Variants in SLC6A11 observed in about 807,000 individuals in gnomAD.
The protein encoded by SLC6A11 is sodium- and chloride-dependent GABA transporter 3.
In SLC6A11, 25 loss-of-function variants were observed where a neutral mutation model predicts 74.8. The ratio of observed to expected loss-of-function variants is 0.33; its 90% CI spans 0.24 to 0.47. The LOEUF (loss-of-function observed/expected upper bound fraction) is 0.47. Among genes scored for constraint, SLC6A11 ranks in the 20% least tolerant of loss-of-function variants. The pLI, the probability that SLC6A11 is intolerant of heterozygous loss-of-function variation, is 1.00. For missense variants in SLC6A11, 574 were observed against 837.0 expected (o/e 0.69, Z 3.88); for synonymous variants, 330 against 330.2 (o/e 1.00, Z 0.01).
chr3:10,885,732 G>A (rs540315016), intron 6 of SLC6A11, among the ~76,000 whole-genome samples: 1 of 148,168 alleles, frequency 6.7e-6, no homozygotes, highest in South Asian at 2.2e-4. Flanking sequence ...GAAAACTTGG[G>A]GTTGACCAGA....
chr3:10,937,276 G>A (rs1221473472), intron 13 of SLC6A11, among the ~76,000 whole-genome samples: 1 of 152,140 alleles, frequency 6.6e-6, no homozygotes, highest in African/African-American at 2.4e-5. Context: ...GTAGAGCCTG[G>A]ACACAAACCC....
At chr3:10,835,166 C>A (rs928446304) in intron 4 of SLC6A11, among the ~76,000 whole-genome samples, 11 of 152,184 alleles carry the variant, frequency 7.2e-5, no homozygotes, top group Admixed American at 5.9e-4. Context: ...CCAGCTTTGC[C>A]TGAGCTTTCG....
intron 7 of SLC6A11, among the ~76,000 whole-genome samples, chr3:10,917,742 G>A (rs1219713074): frequency 1.3e-5 from 2 of 152,196 alleles, no homozygotes; most frequent in African/African-American, 4.8e-5. Context: ...TCCATGCAAG[G>A]GTTCAACCTG....
intron 5 of SLC6A11, among the ~76,000 whole-genome samples, chr3:10,865,235 C>G (rs750881117): frequency 6.6e-6 from 1 of 152,276 alleles, no homozygotes; most frequent in African/African-American, 2.4e-5. Flanking sequence ...GCATTATCCT[C>G]ATTTCACACA....
rs1236022864 is a variant in SLC6A11 at position 10,857,038 on chromosome 3, A to G, written c.756+12692A>G. On this transcript the variant is annotated intron_variant, in intron 5 of 13. Transcript: ENST00000254488. ...GCAGTTTTTACAAATCCATGCTCCA[A>G]CTTCAAAGTGCTCTCTATTTAATGG... 5.1e-4 allele frequency among the ~76,000 whole-genome samples: 77 copies of G among 152,324 alleles called. 2 individuals carry two copies. Among genetic ancestry groups the G allele is most frequent in the Admixed American group, 6.5e-5 (1 of 15,308 alleles).
At chr3:10,846,069 G>A (rs1267920456) in intron 5 of SLC6A11, among the ~76,000 whole-genome samples, 1 of 152,172 alleles carries the variant, frequency 6.6e-6, no homozygotes, top group Non-Finnish European at 1.5e-5. Flanking sequence ...CACATGGGGT[G>A]GTTGTGAGGA....
At chr3:10,888,175 C>G (rs866544643) in intron 6 of SLC6A11, among the ~76,000 whole-genome samples, 1 of 152,348 alleles carries the variant, frequency 6.6e-6, no homozygotes, top group Middle Eastern at 3.4e-3. Context: ...CTCACCCTCT[C>G]TGAGCCTCAG....
intron 4 of SLC6A11, among the ~76,000 whole-genome samples, chr3:10,834,558 C>T (rs1176061995): frequency 2.0e-5 from 3 of 151,714 alleles, no homozygotes; most frequent in African/African-American, 4.8e-5. Flanking sequence ...CAGAATAACT[C>T]GACCAGGTTG....
chr3:10,885,214 A>T (rs1319690712), intron 6 of SLC6A11, among the ~76,000 whole-genome samples: 4 of 152,164 alleles, frequency 2.6e-5, no homozygotes. Flanking sequence ...TAGCTTCTTT[A>T]AAATCTTTTA....
intron 4 of SLC6A11, among the ~76,000 whole-genome samples, chr3:10,843,645 G>A (rs1694465846): frequency 6.6e-6 from 1 of 152,210 alleles, no homozygotes; most frequent in African/African-American, 2.4e-5. Flanking sequence ...CTCAGACTGT[G>A]TCTCTGACAC....
intron 6 of SLC6A11, among the ~76,000 whole-genome samples, chr3:10,895,529 A>G (rs1424411431): frequency 2.0e-5 from 3 of 152,178 alleles, no homozygotes; most frequent in Admixed American, 6.5e-5. Flanking sequence ...GTTCTTGCTT[A>G]TAAGTGGGAA....
At chr3:10,929,484 A>T (rs1695655523) in intron 10 of SLC6A11, 145 bp downstream of exon 10, 3 of 862,398 alleles carry the variant, frequency 3.5e-6, no homozygotes, top group Non-Finnish European at 5.5e-6. Context: ...GGTCATGGTG[A>T]GGATCTAATG....
chr3:10,823,315 G>T lies in SLC6A11; in HGVS notation c.546G>T (p.Glu182Asp), dbSNP rs1411099958. The part of the protein sequence containing the change: ...GHEWNTENCV[E>D]FQKLNVSNYS... Reference sequence around the variant, plus strand: ...TTTCCACTGTAGAGAATTGTGTGGAGTTCCAGAAACTGAATGTGAGCAACT... The same window carrying T: ...TTTCCACTGTAGAGAATTGTGTGGATTTCCAGAAACTGAATGTGAGCAACT... Residue 182 changes from glutamate (E) to aspartate (D), a missense_variant, in exon 4 of 14, where the codon GAG becomes GAT. Coordinates refer to ENST00000254488, the MANE Select transcript of SLC6A11 (RefSeq NM_014229.3). 1 of 1,611,446 alleles carries T rather than the reference G, an allele frequency of 6.2e-7. No homozygotes were observed. Among genetic ancestry groups the T allele is most frequent in the African/African-American group, 1.3e-5 (1 of 74,984 alleles).
intron 5 of SLC6A11, among the ~76,000 whole-genome samples, chr3:10,847,612 G>T (rs1423573091): frequency 6.6e-6 from 1 of 152,160 alleles, no homozygotes; most frequent in African/African-American, 2.4e-5. Context: ...GTCACATAAT[G>T]AATAAATGTC....
At chr3:10,817,884 C>T (rs1694084104) in intron 1 of SLC6A11, among the ~76,000 whole-genome samples, 1 of 152,162 alleles carries the variant, frequency 6.6e-6, no homozygotes, top group East Asian at 1.9e-4. Context: ...AATCCTGCCT[C>T]TCTGCAGATA....
At chr3:10,832,831 TG>T (rs1346947470) in intron 4 of SLC6A11, among the ~76,000 whole-genome samples, 1 of 152,198 alleles carries the variant, frequency 6.6e-6, no homozygotes, top group Non-Finnish European at 1.5e-5. Context: ...AGTGCAAAAG[TG>T]ATCTGTGTCC....
chr3:10,908,238 G>C lies in SLC6A11; in HGVS notation c.892-3852G>C, dbSNP rs116855917. The stretch of plus-strand genomic sequence containing the variant: ...AACATATATATGAAAAGTATAAAAA[G>C]TTTACAGATTGACTTGTAAGTATTA... On this transcript the variant is annotated intron_variant, in intron 6 of 13. Coordinates refer to ENST00000254488, the MANE Select transcript of SLC6A11 (RefSeq NM_014229.3). Among the ~76,000 whole-genome samples, 95 of 152,284 alleles carry C rather than the reference G, an allele frequency of 6.2e-4. 1 individual carries two copies. In the East Asian group the frequency reaches 0.017, roughly 27 times the overall value.
intron 5 of SLC6A11, among the ~76,000 whole-genome samples, chr3:10,856,862 C>T (rs2106592337): frequency 6.6e-6 from 1 of 152,308 alleles, no homozygotes; most frequent in African/African-American, 2.4e-5. Flanking sequence ...GCCTTCTTTT[C>T]CTCTGAGCTG....
At chr3:10,830,532 A>G (rs1416820994) in intron 4 of SLC6A11, among the ~76,000 whole-genome samples, 2 of 152,180 alleles carry the variant, frequency 1.3e-5, no homozygotes, top group Non-Finnish European at 2.9e-5. Context: ...AGCAGAAAAT[A>G]TTGGATTAAG....
Sources: allele counts gnomAD v4.1 joint callset (sites outside exome capture counted in the v4.1 genomes callset), GRCh38; gene constraint gnomAD v4.1.1; transcripts MANE v1.5; gene names NCBI Gene and HGNC (gene_info 2026-07-23, HGNC 2026-07-21).